Variants in SCHIP1 observed in about 807,000 individuals in gnomAD.
SCHIP1 encodes schwannomin interacting protein 1, also known as schwannomin-interacting protein 1.
In SCHIP1, 8 loss-of-function variants were observed where a neutral mutation model predicts 29.7. The ratio of observed to expected loss-of-function variants is 0.27; its 90% CI spans 0.16 to 0.49. SCHIP1 has a LOEUF of 0.49. SCHIP1 is among the 20% of genes least tolerant of loss of function. SCHIP1 has a pLI of 0.99. For missense variants in SCHIP1, 193 were observed against 294.6 expected (o/e 0.66, Z 2.52); for synonymous variants, 76 against 94.9 (o/e 0.80, Z 1.16).
At chr3:159,346,197 A>T in the SCHIP1 span, among the ~76,000 whole-genome samples, 3 of 151,584 alleles carry the variant, frequency 2.0e-5, no homozygotes, top group South Asian at 6.3e-4. Context: ...CAGAAAAAAA[A>T]AAAGAAAAAA....
At chr3:159,380,098 C>T in the SCHIP1 span, among the ~76,000 whole-genome samples, 1 of 152,102 alleles carries the variant, frequency 6.6e-6, no homozygotes, top group Admixed American at 6.6e-5. Context: ...AAAACTATAT[C>T]TAGTTTGTAA....
the SCHIP1 span, among the ~76,000 whole-genome samples, chr3:159,364,179 A>C: frequency 5.8e-4 from 89 of 152,322 alleles, no homozygotes; most frequent in African/African-American, 2.1e-3. Flanking sequence ...TTGTCTCAAG[A>C]TAAGAACTGC....
chr3:159,651,653 T>C, the SCHIP1 span, among the ~76,000 whole-genome samples: 1 of 152,196 alleles, frequency 6.6e-6, no homozygotes, highest in Non-Finnish European at 1.5e-5. Flanking sequence ...AAAAGGCAAA[T>C]TGTATAATTA....
At chr3:159,485,138 C>G in the SCHIP1 span, among the ~76,000 whole-genome samples, 1 of 151,268 alleles carries the variant, frequency 6.6e-6, no homozygotes, top group Non-Finnish European at 1.5e-5. Context: ...CTTCCCTGCT[C>G]CCTCATACTT....
chr3:159,603,501 G>A, the SCHIP1 span, among the ~76,000 whole-genome samples: 1 of 152,158 alleles, frequency 6.6e-6, no homozygotes, highest in Non-Finnish European at 1.5e-5. Flanking sequence ...AAGCTATCTA[G>A]GGGCTGCCAG....
chr3:159,325,321 T>C, the SCHIP1 span, among the ~76,000 whole-genome samples: 2,936 of 152,278 alleles, frequency 0.019, 41 homozygotes, highest in Non-Finnish European at 0.027. Context: ...AGTTTGATAG[T>C]TGAAGCAACA....
the SCHIP1 span, among the ~76,000 whole-genome samples, chr3:159,653,327 T>G: frequency 6.6e-6 from 1 of 152,084 alleles, no homozygotes; most frequent in African/African-American, 2.4e-5. Context: ...AGCAAAGACT[T>G]GGAACCAACC....
At chr3:159,444,743 C>A in the SCHIP1 span, among the ~76,000 whole-genome samples, 14 of 152,232 alleles carry the variant, frequency 9.2e-5, no homozygotes, top group African/African-American at 3.4e-4. Context: ...AGGAAGGACT[C>A]CAGAACGATT....
the SCHIP1 span, among the ~76,000 whole-genome samples, chr3:159,626,154 A>C: frequency 6.5e-4 from 78 of 120,890 alleles, 5 homozygotes; most frequent in African/African-American, 1.4e-3. Context: ...CTAGATATAT[A>C]TATATATCTA....
chr3:159,830,046 C>T, the SCHIP1 span, among the ~76,000 whole-genome samples: 10 of 152,140 alleles, frequency 6.6e-5, no homozygotes, highest in African/African-American at 1.4e-4. Flanking sequence ...ATGAAGAATA[C>T]GCAGAGATTG....
At chr3:159,887,397 G>C in intron 3 of SCHIP1, 1 of 292,506 alleles carries the variant, frequency 3.4e-6, no homozygotes, top group Non-Finnish European at 6.5e-6. Context: ...CCTTGGCTTC[G>C]AGTCAATATT....
At chr3:159,583,033 C>A in the SCHIP1 span, among the ~76,000 whole-genome samples, 2 of 152,094 alleles carry the variant, frequency 1.3e-5, no homozygotes, top group African/African-American at 4.8e-5. Flanking sequence ...TATTTAAAAG[C>A]TTTTGTATCC....
chr3:159,828,990 A>G, the SCHIP1 span, among the ~76,000 whole-genome samples: 1 of 152,174 alleles, frequency 6.6e-6, no homozygotes, highest in Non-Finnish European at 1.5e-5. Flanking sequence ...TTTTTCTGCC[A>G]CTGCGTTCTC....
At chr3:159,695,663 G>T in the SCHIP1 span, among the ~76,000 whole-genome samples, 1 of 152,114 alleles carries the variant, frequency 6.6e-6, no homozygotes, top group South Asian at 2.1e-4. Context: ...GCTACATACT[G>T]GTTAAAAAAA....
At chr3:159,888,872 C>G (rs1717214146) in exon 5 of SCHIP1, 2 of 1,613,906 alleles carry the variant, frequency 1.2e-6, no homozygotes, top group African/African-American at 1.3e-5. Context: ...AGTTTAAAAC[C>G]CACCGACCTG....
the SCHIP1 span, among the ~76,000 whole-genome samples, chr3:159,750,610 T>A: frequency 2.0e-5 from 3 of 152,020 alleles, no homozygotes; most frequent in Non-Finnish European, 4.4e-5. Flanking sequence ...AATAGAGGAA[T>A]AAATTTCACC....
At chr3:159,801,051 C>T in the SCHIP1 span, among the ~76,000 whole-genome samples, 54 of 151,328 alleles carry the variant, frequency 3.6e-4, no homozygotes, top group African/African-American at 1.2e-3. Context: ...CTTGTAAAAA[C>T]GTCCACTGCT....
the SCHIP1 span, among the ~76,000 whole-genome samples, chr3:159,337,647 A>C: frequency 6.6e-6 from 1 of 152,168 alleles, no homozygotes; most frequent in Non-Finnish European, 1.5e-5. Context: ...AAGGGACATG[A>C]TGTCCTGTCT....
the SCHIP1 span, among the ~76,000 whole-genome samples, chr3:159,556,005 G>T: frequency 6.6e-6 from 1 of 152,110 alleles, no homozygotes; most frequent in Non-Finnish European, 1.5e-5. Context: ...ACAATGGCAC[G>T]TGTATACCTA....
Sources: allele counts gnomAD v4.1 joint callset (sites outside exome capture counted in the v4.1 genomes callset), GRCh38; gene constraint gnomAD v4.1.1; transcripts MANE v1.5; gene names NCBI Gene and HGNC (gene_info 2026-07-23, HGNC 2026-07-21).